Variants in FANCD2 observed in about 807,000 individuals in gnomAD.
FANCD2 encodes the protein FA complementation group D2.
A neutral mutation model predicts 192.3 loss-of-function variants in FANCD2; 131 were observed. The ratio of observed to expected loss-of-function variants is 0.68; its 90% CI spans 0.59 to 0.79. The LOEUF is 0.79. Among genes scored for constraint, FANCD2 ranks in the 30% least tolerant of loss-of-function variants. The pLI is 0.00. For missense variants in FANCD2, 1,508 were observed against 1,701.6 expected, an observed-to-expected ratio of 0.89 and a Z score of 2.00; for synonymous variants, 524 against 612.5, an observed-to-expected ratio of 0.86 and a Z score of 2.13.
chr3:10,093,355 T>C, intron 39 of FANCD2, 32 bp downstream of exon 39: 1 of 1,570,838 alleles, frequency 6.4e-7, no homozygotes, highest in Non-Finnish European at 8.8e-7. Context: ...GTTTCATATT[T>C]ATTCTTCCTG....
chr3:10,041,613 C>T lies in FANCD2; in HGVS notation c.696-10C>T, dbSNP rs1246182452. 2 of 1,597,890 alleles carry T rather than the reference C, an allele frequency of 1.3e-6. No individual in the cohort carries two copies. Among genetic ancestry groups the T allele is most frequent in the Non-Finnish European group, 1.7e-6 (2 of 1,165,424 alleles). ...ATTATACAACTTTTTTCTTTTTCTA[C>T]CATTCACAGTGACCTACTGATAGAG... is the stretch of plus-strand genomic sequence containing the variant. On this transcript the variant is annotated splice_polypyrimidine_tract_variant and intron_variant, in intron 9 of 43. Coordinates refer to ENST00000675286, the MANE Select transcript of FANCD2 (RefSeq NM_001018115.3).
chr3:10,066,320 A>T (rs2087718108), intron 25 of FANCD2, among the ~76,000 whole-genome samples: 1 of 152,110 alleles, frequency 6.6e-6, no homozygotes, highest in Non-Finnish European at 1.5e-5. Flanking sequence ...CTCCCATTAG[A>T]ATGTATTTGT....
Position 10,095,199 on chromosome 3 carries a change from G to A in FANCD2, c.3964-1G>A, listed in dbSNP as rs769704068. 6.2e-7 allele frequency: 1 copy of A among 1,612,442 alleles called. No individual in the cohort carries two copies. The highest frequency in any genetic ancestry group is 8.5e-7 in the Non-Finnish European group (1 of 1,178,456). On this transcript the variant is annotated splice_acceptor_variant, in intron 40 of 43. Transcript: ENST00000675286. LOFTEE classifies it high-confidence loss of function. ...AGCATTTATAAACTTATTGGTTATAGGAAGATGTTCTGAGCTTACTGGAAA... is the reference window on the plus strand; with the variant it reads ...AGCATTTATAAACTTATTGGTTATAAGAAGATGTTCTGAGCTTACTGGAAA...
At chr3:10,051,481 C>G (rs2087215798) in intron 17 of FANCD2, among the ~76,000 whole-genome samples, 1 of 138,988 alleles carries the variant, frequency 7.2e-6, no homozygotes, top group South Asian at 2.6e-4. Flanking sequence ...AGGCTATTGG[C>G]TTTGGCAATT....
chr3:10,096,217 C>T (rs1299615092), intron 41 of FANCD2, 109 bp from the exon 42 acceptor site: 2 of 1,104,404 alleles, frequency 1.8e-6, no homozygotes, highest in Non-Finnish European at 2.7e-6. Flanking sequence ...TACCGTTGGC[C>T]CATACTGGCA....
At chr3:10,039,679 C>T (rs1025070120) in intron 8 of FANCD2, 42 bp from the exon 9 acceptor site, 3 of 1,611,688 alleles carry the variant, frequency 1.9e-6, no homozygotes, top group Non-Finnish European at 1.7e-6. Context: ...TTTCTTTATT[C>T]TGGGTAATGT....
chr3:10,027,535 T>C (rs992118402), intron 1 of FANCD2, among the ~76,000 whole-genome samples: 4 of 152,284 alleles, frequency 2.6e-5, no homozygotes, highest in East Asian at 1.9e-4. Context: ...TATGAGTATC[T>C]ATTTGCCTGG....
At chr3:10,089,631 G>A (rs568452291) in intron 36 of FANCD2, among the ~76,000 whole-genome samples, 5 of 152,102 alleles carry the variant, frequency 3.3e-5, no homozygotes, top group East Asian at 1.9e-4. Context: ...CACCACACCC[G>A]GCTAATTTTT....
intron 7 of FANCD2, among the ~76,000 whole-genome samples, chr3:10,038,990 A>G (rs964444881): frequency 6.6e-6 from 1 of 152,192 alleles, no homozygotes; most frequent in Non-Finnish European, 1.5e-5. Flanking sequence ...CTTTTTAAAA[A>G]TTATTATTAA....
chr3:10,050,868 C>A (rs1258833734), intron 17 of FANCD2, among the ~76,000 whole-genome samples: 1 of 151,750 alleles, frequency 6.6e-6, no homozygotes, highest in African/African-American at 2.4e-5. Context: ...GGACGGATCA[C>A]CTGAGGTTGG....
chr3:10,042,175 C>T (rs1385043613), intron 10 of FANCD2, among the ~76,000 whole-genome samples: 1 of 152,078 alleles, frequency 6.6e-6, no homozygotes, highest in African/African-American at 2.4e-5. Flanking sequence ...GGATTACAGG[C>T]TTGAGCCACC....
intron 41 of FANCD2, among the ~76,000 whole-genome samples, chr3:10,095,562 T>C (rs1694904417): frequency 6.6e-6 from 1 of 152,208 alleles, no homozygotes; most frequent in Admixed American, 6.5e-5. Context: ...TGCAAAGTCC[T>C]CTAGGTAACA....
At chr3:10,029,434 G>A (rs2086536250) in intron 2 of FANCD2, among the ~76,000 whole-genome samples, 1 of 152,120 alleles carries the variant, frequency 6.6e-6, no homozygotes. Context: ...TCAGGAGGTC[G>A]AGGGTGCAAT....
rs753410450 is a variant in FANCD2 at position 10,101,312 on chromosome 3, AT to A, written c.*54del. On this transcript the variant is annotated 3_prime_UTR_variant, in exon 44 of 44. Coordinates refer to ENST00000675286, the MANE Select transcript of FANCD2 (RefSeq NM_001018115.3). ...TCTGTGTCTCTGCCAGCCTGTGATC[AT>A]TTTGTGTTAGAGTTTGAAATCCGCT... is the stretch of plus-strand genomic sequence containing the variant. 2 of 1,365,618 alleles carry A rather than the reference AT, an allele frequency of 1.5e-6. No homozygotes were observed. The highest frequency in any genetic ancestry group is 2.3e-5 in the East Asian group (1 of 43,386). 84.6% of individuals were successfully genotyped at this position (1,365,618 alleles called of 1,614,324 possible).
At chr3:10,080,155 C>T (rs536988810) in intron 30 of FANCD2, among the ~76,000 whole-genome samples, 13 of 152,236 alleles carry the variant, frequency 8.5e-5, no homozygotes, top group African/African-American at 2.9e-4. Flanking sequence ...CCTCATGATC[C>T]ACCCGCCTTG....
intron 26 of FANCD2, among the ~76,000 whole-genome samples, chr3:10,071,846 G>A (rs1286549590): frequency 4.6e-5 from 7 of 152,140 alleles, no homozygotes; most frequent in Non-Finnish European, 1.5e-5. Flanking sequence ...TGCGACCTCT[G>A]CCTCCTGGGT....
intron 32 of FANCD2, among the ~76,000 whole-genome samples, 167 bp from the exon 33 acceptor site, chr3:10,085,645 C>T (rs1694148343): frequency 6.6e-6 from 1 of 152,054 alleles, no homozygotes; most frequent in Admixed American, 6.6e-5. Context: ...CCGCCTCAGC[C>T]TCCCGAAGTG....
chr3:10,055,277 C>T (rs1367392060), intron 18 of FANCD2, among the ~76,000 whole-genome samples: 1 of 152,068 alleles, frequency 6.6e-6, no homozygotes, highest in African/African-American at 2.4e-5. Flanking sequence ...TCTAGAACTT[C>T]CTGATCATCC....
intron 2 of FANCD2, among the ~76,000 whole-genome samples, chr3:10,031,330 C>T (rs35480406): frequency 4.9e-4 from 74 of 152,070 alleles, no homozygotes; most frequent in Middle Eastern, 6.8e-3. Flanking sequence ...GGTGAAACCC[C>T]GTCTCTACTA....
Sources: gnomAD v4.1 joint callset for allele counts (sites outside exome capture counted in the v4.1 genomes callset) on GRCh38, gnomAD v4.1.1 for gene constraint, MANE v1.5 for transcripts, NCBI Gene and HGNC (gene_info 2026-07-23, HGNC 2026-07-21) for gene names.